The following DOCK2 variants were observed in gnomAD, a reference collection of about 807,000 sequenced individuals.
The protein encoded by DOCK2 is dedicator of cytokinesis protein 2.
In DOCK2, 87 loss-of-function variants were observed where a neutral mutation model predicts 248.9. The observed-to-expected ratio is 0.35, with a 90% CI of 0.29 to 0.42. The LOEUF is 0.42. Among genes scored for constraint, DOCK2 ranks in the 10% least tolerant of loss-of-function variants. The pLI is 1.00. For synonymous variants in DOCK2, 805 were observed against 821.6 expected (o/e 0.98, Z 0.35); for missense variants, 1,747 against 2,300.2 (o/e 0.76, Z 4.92).
At chr5:169,659,412 A>G (rs1224375102) in intron 2 of DOCK2, among the ~76,000 whole-genome samples, 3 of 152,136 alleles carry the variant, frequency 2.0e-5, no homozygotes, top group Non-Finnish European at 2.9e-5. Context: ...TGTTAATTCC[A>G]TCCTCTCCCC....
chr5:169,819,805 G>A (rs987382629), intron 26 of DOCK2, among the ~76,000 whole-genome samples: 4 of 152,348 alleles, frequency 2.6e-5, no homozygotes, highest in South Asian at 2.1e-4. Context: ...CCGAGCGTGC[G>A]CTGAGGCGGG....
At chr5:169,920,411 T>C (rs1775111300) in intron 27 of DOCK2, among the ~76,000 whole-genome samples, 1 of 152,234 alleles carries the variant, frequency 6.6e-6, no homozygotes, top group Admixed American at 6.5e-5. Flanking sequence ...TTGTTGATAG[T>C]ATTCCAGAAA....
intron 27 of DOCK2, among the ~76,000 whole-genome samples, chr5:169,946,754 A>G (rs916367934): frequency 4.6e-5 from 7 of 152,234 alleles, no homozygotes; most frequent in Admixed American, 6.5e-5. Flanking sequence ...AGGCAATCTG[A>G]AAGTCACACA....
intron 27 of DOCK2, among the ~76,000 whole-genome samples, chr5:169,949,801 C>T (rs1453993163): frequency 8.0e-5 from 12 of 150,204 alleles, no homozygotes; most frequent in Admixed American, 7.3e-4. Flanking sequence ...AAGGTTGTCA[C>T]CCTGTCATTT....
intron 27 of DOCK2, among the ~76,000 whole-genome samples, chr5:169,948,332 A>G (rs1776526183): frequency 6.6e-6 from 1 of 152,208 alleles, no homozygotes; most frequent in South Asian, 2.1e-4. Flanking sequence ...AGTGTTATGA[A>G]AAAGATAAAA....
At chr5:169,843,517 G>C (rs181277513) in intron 27 of DOCK2, among the ~76,000 whole-genome samples, 1 of 152,146 alleles carries the variant, frequency 6.6e-6, no homozygotes, top group African/African-American at 2.4e-5. Context: ...GTGAGACTCC[G>C]TCTCAAAATA....
At chr5:169,924,138 G>C (rs1340789064) in intron 27 of DOCK2, among the ~76,000 whole-genome samples, 2 of 152,140 alleles carry the variant, frequency 1.3e-5, no homozygotes, top group Non-Finnish European at 2.9e-5. Flanking sequence ...CATGCTCCCA[G>C]TCTGCTTCTC....
chr5:169,801,839 C>G (rs1016820721), intron 25 of DOCK2, among the ~76,000 whole-genome samples: 1 of 148,648 alleles, frequency 6.7e-6, no homozygotes, highest in Admixed American at 6.7e-5. Flanking sequence ...CTGTAATCAC[C>G]TCTGTCAGTT....
intron 43 of DOCK2, chr5:170,057,316 A>G (rs911747732): frequency 3.8e-6 from 2 of 522,100 alleles, no homozygotes; most frequent in South Asian, 4.1e-5. Flanking sequence ...CACATTCAAT[A>G]TTGCCTAAAA....
chr5:169,909,504 G>C lies in DOCK2; in HGVS notation c.2799+68652G>C, dbSNP rs180999292. On this transcript the variant is annotated intron_variant, in intron 27 of 51. Transcript: ENST00000520908. The stretch of plus-strand genomic sequence containing the variant: ...TGGATTCACACTCCATCAGGTACCA[G>C]AGTGGGAATATTTCCCTGTGCTTAT... 7.2e-5 allele frequency among the ~76,000 whole-genome samples: 11 copies of C among 152,336 alleles called. No individual in the cohort carries two copies. The East Asian group carries it at 2.1e-3, about 29-fold the overall frequency.
chr5:170,005,236 C>T (rs1410841853), intron 30 of DOCK2, among the ~76,000 whole-genome samples: 1 of 151,096 alleles, frequency 6.6e-6, no homozygotes, highest in Non-Finnish European at 1.5e-5. Flanking sequence ...CATTAGTATT[C>T]ACAGTTTCCA....
chr5:169,893,460 CTG>C (rs1561801924), intron 27 of DOCK2, among the ~76,000 whole-genome samples: 2 of 143,708 alleles, frequency 1.4e-5, no homozygotes, highest in Non-Finnish European at 3.0e-5. Context: ...CACTACATAA[CTG>C]GGGACATTTT....
chr5:169,845,370 C>T (rs1770244096), intron 27 of DOCK2, among the ~76,000 whole-genome samples: 1 of 152,012 alleles, frequency 6.6e-6, no homozygotes, highest in Admixed American at 6.6e-5. Context: ...CATTGTAAGG[C>T]AATTCTCTAT....
chr5:169,706,975 T>C (rs947778197), intron 14 of DOCK2, among the ~76,000 whole-genome samples: 5 of 152,164 alleles, frequency 3.3e-5, no homozygotes, highest in African/African-American at 1.2e-4. Context: ...GAGAATCTGA[T>C]TGAATCTCAT....
chr5:169,895,447 G>A (rs1289110653), intron 27 of DOCK2, among the ~76,000 whole-genome samples: 1 of 151,946 alleles, frequency 6.6e-6, no homozygotes, highest in Admixed American at 6.6e-5. Context: ...GACAGGGGGT[G>A]GTCTCACTCC....
intron 2 of DOCK2, among the ~76,000 whole-genome samples, chr5:169,658,479 C>CA (rs5873187): frequency 0.25 from 18,652 of 75,942 alleles, 2,699 homozygotes; most frequent in South Asian, 0.27. Flanking sequence ...GCCTCCGTCT[C>CA]AAAAAAAAAA....
At chr5:169,679,583 G>A (rs1164492089) in intron 6 of DOCK2, among the ~76,000 whole-genome samples, 1 of 152,186 alleles carries the variant, frequency 6.6e-6, no homozygotes, top group Non-Finnish European at 1.5e-5. Flanking sequence ...GATAAATTTT[G>A]AGGAGAAACA....
At chr5:169,967,395 A>G (rs1272947575) in intron 27 of DOCK2, among the ~76,000 whole-genome samples, 1 of 152,240 alleles carries the variant, frequency 6.6e-6, no homozygotes, top group African/African-American at 2.4e-5. Context: ...AGGCAACAGC[A>G]TGTGGTCAGG....
At chr5:169,796,191 G>A (rs939505455) in intron 25 of DOCK2, among the ~76,000 whole-genome samples, 12 of 152,154 alleles carry the variant, frequency 7.9e-5, no homozygotes, top group African/African-American at 2.7e-4. Flanking sequence ...CTAAGAGAGG[G>A]GCTAGAGAAG....
Sources: gnomAD v4.1 joint callset for allele counts (sites outside exome capture counted in the v4.1 genomes callset) on GRCh38, gnomAD v4.1.1 for gene constraint, MANE v1.5 for transcripts, NCBI Gene and HGNC (gene_info 2026-07-23, HGNC 2026-07-21) for gene names.